PPP2R2C: variants seen among roughly 807,000 people sequenced by gnomAD.
PPP2R2C encodes the protein protein phosphatase 2 regulatory subunit Bgamma.
Under a neutral mutation model 45.3 loss-of-function variants are expected in PPP2R2C, and 10 were observed. The observed-to-expected ratio is 0.22, with a 90% CI of 0.14 to 0.37. PPP2R2C has a LOEUF of 0.37. PPP2R2C is among the 10% of genes least tolerant of loss of function. The pLI is 1.00. For synonymous variants in PPP2R2C, 257 were observed against 245.4 expected (o/e 1.05, Z -0.44); for missense variants, 308 against 619.7 (o/e 0.50, Z 5.34).
chr4:6,518,388 A>G (rs138852045), intron 2 of PPP2R2C, among the ~76,000 whole-genome samples: 1 of 152,336 alleles, frequency 6.6e-6, no homozygotes, highest in East Asian at 1.9e-4. Flanking sequence ...GATCGATAAA[A>G]TTAATAAGCC....
At chr4:6,421,257 T>C (rs1718939769) in intron 1 of PPP2R2C, 4 of 469,810 alleles carry the variant, frequency 8.5e-6, no homozygotes, top group Non-Finnish European at 1.1e-5. Context: ...TCAATCATGG[T>C]CGCACTGGCT....
At position 6,328,232 on chromosome 4, in the gene PPP2R2C, G is replaced by A. The variant is rs1732113229; in HGVS notation, c.1052+1030C>T. ...ACACTGGACAGGACTGCGGGGAGGA[G>A]GTGACAGTACATGGGCTCCTGACAG... On this transcript the variant is annotated intron_variant, in intron 8 of 8. Transcript: ENST00000382599. This position sits in a 1 kb window ranked among gnomAD's most constrained non-coding sequence, Gnocchi z 4.4. Among the ~76,000 whole-genome samples, 1 of 152,204 alleles carries A rather than the reference G, an allele frequency of 6.6e-6. No homozygotes were observed. The highest frequency in any genetic ancestry group is 2.4e-5 in the African/African-American group (1 of 41,460).
intron 5 of PPP2R2C, among the ~76,000 whole-genome samples, chr4:6,371,744 T>C (rs960962299): frequency 6.6e-6 from 1 of 152,244 alleles, no homozygotes; most frequent in African/African-American, 2.4e-5. Flanking sequence ...CATAGGGTTG[T>C]TGTGAAGGTG....
chr4:6,341,172 T>C lies in PPP2R2C; in HGVS notation c.790+6674A>G, dbSNP rs146561349. Among the ~76,000 whole-genome samples the C allele has an allele frequency of 9.2e-5, 14 of 152,192 alleles. No individual in the cohort carries two copies. In the East Asian group the frequency reaches 2.3e-3, roughly 25 times the overall value. ...GCCTGGCCAACATGGCAAAACCTTG[T>C]CTCTACTAAAAATACAAAAAGTCGG... On this transcript the variant is annotated intron_variant, in intron 6 of 8. Transcript: ENST00000382599.
At chr4:6,423,898 TGTGTTAGGGTTA>T (rs1390729915) in intron 1 of PPP2R2C, among the ~76,000 whole-genome samples, 1 of 149,764 alleles carries the variant, frequency 6.7e-6, no homozygotes, top group African/African-American at 2.4e-5. Flanking sequence ...GTTTTGAGAG[TGTGTTAGGGTTA>T]GGGTTAGGGT....
intron 5 of PPP2R2C, among the ~76,000 whole-genome samples, chr4:6,371,090 C>G (rs1714788527): frequency 6.6e-6 from 1 of 152,180 alleles, no homozygotes; most frequent in African/African-American, 2.4e-5. Flanking sequence ...ACTGACGGCA[C>G]CCCACAGGTC....
chr4:6,416,580 C>G (rs1040098515), intron 1 of PPP2R2C, among the ~76,000 whole-genome samples: 3 of 152,226 alleles, frequency 2.0e-5, no homozygotes, highest in Non-Finnish European at 4.4e-5. Flanking sequence ...AGCAGAAGCC[C>G]TGGCTGCACC....
chr4:6,348,518 C>T (rs1712219481), intron 5 of PPP2R2C: 1 of 463,268 alleles, frequency 2.2e-6, no homozygotes, highest in Non-Finnish European at 2.8e-6. Context: ...CCCTTCCTGC[C>T]CCCGGCACCT....
chr4:6,450,504 G>A (rs1178102689), intron 1 of PPP2R2C, among the ~76,000 whole-genome samples: 1 of 152,156 alleles, frequency 6.6e-6, no homozygotes, highest in Non-Finnish European at 1.5e-5. Context: ...GCCGCATGGT[G>A]GGTCAGCTCG....
intron 1 of PPP2R2C, among the ~76,000 whole-genome samples, chr4:6,445,212 A>C (rs533562563): frequency 5.3e-5 from 8 of 152,124 alleles, no homozygotes; most frequent in African/African-American, 1.9e-4. Context: ...TAAAAACAAA[A>C]AAAAAAACCC....
chr4:6,430,943 AC>A (rs33951633), intron 1 of PPP2R2C, among the ~76,000 whole-genome samples: 118,753 of 144,978 alleles, frequency 0.82, 47,131 homozygotes, highest in East Asian at 0.93. Context: ...AACAACAACA[AC>A]AAAAAAAAAA....
At chr4:6,373,308 A>G (rs1487125970) in intron 4 of PPP2R2C, among the ~76,000 whole-genome samples, 1 of 152,198 alleles carries the variant, frequency 6.6e-6, no homozygotes, top group African/African-American at 2.4e-5. Flanking sequence ...CCATAGTGAG[A>G]AATGCATTTC....
At chr4:6,562,962 C>CAA (rs746793663) in intron 1 of PPP2R2C, among the ~76,000 whole-genome samples, 50 of 83,258 alleles carry the variant, frequency 6.0e-4, no homozygotes, top group African/African-American at 2.0e-3. Flanking sequence ...CCCTGCCAGC[C>CAA]AAAAAAAAAA....
rs183630867 is a variant in PPP2R2C at position 6,557,422 on chromosome 4, G to A, written c.-59+6138C>T. 2.6e-4 allele frequency among the ~76,000 whole-genome samples: 40 copies of A among 152,260 alleles called. No homozygotes were observed. The East Asian group carries it at 6.6e-3, about 25-fold the overall frequency. On this transcript the variant is annotated intron_variant, in intron 1 of 9. Coordinates refer to the PPP2R2C transcript ENST00000506140. ...AAGAAAGAAAAGAAAAGATGATGAC[G>A]TTGGACCCGGAGTACAGTGATGGAG...
At chr4:6,372,721 G>A (rs1714952243) in intron 4 of PPP2R2C, 21 bp from the exon 5 acceptor site, 1 of 1,611,456 alleles carries the variant, frequency 6.2e-7, no homozygotes, top group Non-Finnish European at 8.5e-7. Flanking sequence ...TGAGGAGGCA[G>A]GGAAGAGGTG....
At chr4:6,418,147 C>T (rs899788090) in intron 1 of PPP2R2C, among the ~76,000 whole-genome samples, 2 of 152,154 alleles carry the variant, frequency 1.3e-5, no homozygotes, top group African/African-American at 2.4e-5. Context: ...ACAGACGGTG[C>T]TGGGACAGGA....
Position 6,323,381 on chromosome 4 carries a change from G to T in PPP2R2C, c.1265C>A (p.Pro422Gln). ...TKKILHTAWH[P>Q]AENIIAIAAT... ...GGCGATGGCAATGATGTTCTCAGCC[G>T]GGTGCCAGGCCGTGTGCAGGATCTT... is the stretch of plus-strand genomic sequence containing the variant. The change falls in exon 9 of 9, where the codon CCG becomes CAG. Residue 422 changes from proline (P) to glutamine (Q), a missense_variant. Pro to Gln is a moderately conservative substitution (Grantham distance 76). Transcript: ENST00000382599. The T allele has an allele frequency of 6.2e-7, 1 of 1,613,932 alleles. No individual in the cohort carries two copies. The highest frequency in any genetic ancestry group is 8.5e-7 in the Non-Finnish European group (1 of 1,179,828).
intron 5 of PPP2R2C, chr4:6,350,330 A>G (rs1712424367): frequency 1.0e-6 from 1 of 985,312 alleles, no homozygotes; most frequent in Non-Finnish European, 1.2e-6. Flanking sequence ...ACTGAACTTC[A>G]CTAAAGTGGG....
At chr4:6,429,870 C>G (rs1216501624) in intron 1 of PPP2R2C, among the ~76,000 whole-genome samples, 2 of 152,058 alleles carry the variant, frequency 1.3e-5, no homozygotes, top group Non-Finnish European at 2.9e-5. Context: ...TGGGGGCCAG[C>G]TGGATGCCCA....
Sources: allele counts gnomAD v4.1 joint callset (sites outside exome capture counted in the v4.1 genomes callset), GRCh38; gene constraint gnomAD v4.1.1; non-coding constraint Gnocchi (gnomAD v3.1); transcripts MANE v1.5; gene names NCBI Gene and HGNC (gene_info 2026-07-23, HGNC 2026-07-21).